Variants in HELZ2 observed in about 807,000 individuals in gnomAD.
HELZ2 encodes the protein 3'-5' exoribonuclease HELZ2.
HELZ2 carries 143 observed loss-of-function variants against 208.8 expected under a neutral mutation model. That is an observed-to-expected ratio of 0.68 (90% CI 0.60 to 0.79). The LOEUF (loss-of-function observed/expected upper bound fraction) is 0.79. Among genes scored for constraint, HELZ2 ranks in the 30% least tolerant of loss-of-function variants. The pLI is 0.00. For synonymous variants in HELZ2, 1,705 were observed against 1,693.7 expected (o/e 1.01, Z -0.16); for missense variants, 3,690 against 3,794.5 (o/e 0.97, Z 0.72).
At chr20:63,564,795 A>C (rs751474550) in exon 8 of HELZ2, 1 of 1,610,114 alleles carries the variant, frequency 6.2e-7, no homozygotes, top group South Asian at 1.1e-5. Flanking sequence ...TCCACAGTGA[A>C]GGTCAAGAAG....
At chr20:63,571,159 C>T (rs74179811) in intron 1 of HELZ2, 30,898 of 294,478 alleles carry the variant, frequency 0.1, 4,424 homozygotes, top group East Asian at 0.48. Flanking sequence ...GCTCCTGCCC[C>T]GCTCCAAGCT....
chr20:63,562,734 C>T (rs372403924), exon 8 of HELZ2: 97 of 1,602,562 alleles, frequency 6.1e-5, no homozygotes, highest in South Asian at 4.8e-4. Flanking sequence ...AGGCCAGGGC[C>T]GAGGCTGCTG....
At position 63,559,308 on chromosome 20, in the gene HELZ2, G is replaced by A. The variant is rs745635089; in HGVS notation, c.7888C>T (p.Gln2630Ter). Residue 2630 changes from glutamine (Q) to a stop codon, truncating the protein, a stop_gained, in exon 19 of 19, where the codon CAG (glutamine) becomes TAG (stop). Transcript: ENST00000467148. LOFTEE classifies it high-confidence loss of function. ...TGGCCGGCAGGCACGAGGGTCTGCT[G>A]AGCCTCGCAGAAGTCCAGGAGGCTA... 1 of 1,600,462 alleles carries A rather than the reference G, an allele frequency of 6.2e-7. No homozygotes were observed. Among genetic ancestry groups the A allele is most frequent in the Non-Finnish European group, 8.5e-7 (1 of 1,174,106 alleles).
In HELZ2 at chr20:63,565,958, A is replaced by G. The variant is rs1377521319; in HGVS notation, c.2864T>C (p.Val955Ala). The change falls in exon 8 of 19, where the codon GTG (valine) becomes GCG (alanine). Residue 955 changes from valine to alanine, a missense_variant. Val to Ala is a moderately conservative substitution (Grantham distance 64). Transcript: ENST00000467148. ...GGGAGGCCAGCGCCGTCTCTGCGCC[A>G]CACCCTGCTCGACCTGCTCCATGGA... The G allele has an allele frequency of 2.5e-6, 4 of 1,598,814 alleles. No homozygotes were observed. In the East Asian group the frequency reaches 6.7e-5, roughly 27 times the overall value.
At chr20:63,568,070 A>T in intron 5 of HELZ2, 1 of 549,300 alleles carries the variant, frequency 1.8e-6, no homozygotes, top group Non-Finnish European at 3.2e-6. Flanking sequence ...ATAAAAACGA[A>T]AAACAAGACT....
At chr20:63,563,984 T>C (rs1267962304) in exon 8 of HELZ2, 2 of 1,602,366 alleles carry the variant, frequency 1.2e-6, no homozygotes, top group Non-Finnish European at 1.7e-6. Context: ...TTCGTAGTCC[T>C]GGGTGCGGGC....
chr20:63,560,876 C>G (rs1200597919), exon 15 of HELZ2: 3 of 1,613,150 alleles, frequency 1.9e-6, no homozygotes, highest in Non-Finnish European at 2.5e-6. Context: ...GGTTTTGCAG[C>G]CGCTCATTCT....
Position 63,565,821 on chromosome 20 carries a change from C to T in HELZ2, c.3001G>A (p.Gly1001Arg), listed in dbSNP as rs764518773. ...GATGCTGGGCTCAGAGCCTCATCTCCCGGCTCTGCCTTCACCATGGCCGTC... is the reference window on the plus strand; with the variant it reads ...GATGCTGGGCTCAGAGCCTCATCTCTCGGCTCTGCCTTCACCATGGCCGTC... The change falls in exon 8 of 19, where the codon GGA becomes AGA. Residue 1001 changes from glycine (G) to arginine (R), a missense_variant. Physicochemically the swap from Gly to Arg is moderately radical, Grantham distance 125. Coordinates refer to ENST00000467148, the Ensembl canonical transcript of HELZ2. 27 of 1,599,108 alleles carry T rather than the reference C, an allele frequency of 1.7e-5. No individual in the cohort carries two copies. Among genetic ancestry groups the T allele is most frequent in the Non-Finnish European group, 2.3e-5 (27 of 1,179,672 alleles).
In HELZ2 at chr20:63,565,317, C is replaced by G. The variant is rs561038248; in HGVS notation, c.3505G>C (p.Gly1169Arg). ...AGGAGCTGCACCAGCACCTCATCCC[C>G]GGCGAAGGCCATCCCACAGTCCAGG... is the stretch of plus-strand genomic sequence containing the variant. Residue 1169 changes from glycine to arginine, a missense_variant, in exon 8 of 19, where the codon GGG becomes CGG. Gly to Arg is a moderately radical substitution (Grantham distance 125). Around this residue, in one of 3 missense-constraint regions of HELZ2, gnomAD observed 2,564 missense variants for 2,580.5 expected, o/e 0.99. Transcript: ENST00000467148. The G allele has an allele frequency of 2.1e-5, 34 of 1,606,146 alleles. 2 individuals carry two copies. In the South Asian group the frequency reaches 3.0e-4, roughly 14 times the overall value.
chr20:63,565,633 C>A (rs371443983), exon 8 of HELZ2: 2 of 1,610,752 alleles, frequency 1.2e-6, no homozygotes, highest in Non-Finnish European at 1.7e-6. Flanking sequence ...CCCCGTCCCA[C>A]GGCCAGAAGT....
Position 63,568,764 on chromosome 20 carries a change from C to T in HELZ2, c.1324G>A (p.Glu442Lys), listed in dbSNP as rs1010842681. ...GGAAGCAGCAGCCACAGCGCCTGCT[C>T]TGAGCTGGCCCGCCTCTCCAGCCGC... Residue 442 changes from glutamate to lysine, a missense_variant, in exon 5 of 19, where the codon GAG (glutamate) becomes AAG (lysine). Physicochemically the swap from Glu to Lys is moderately conservative, Grantham distance 56 (BLOSUM62 1). Coordinates refer to ENST00000467148, the Ensembl canonical transcript of HELZ2. 1.4e-5 allele frequency: 22 copies of T among 1,605,422 alleles called. No homozygotes were observed. The highest frequency in any genetic ancestry group is 1.6e-5 in the Non-Finnish European group (19 of 1,178,144).
intron 2 of HELZ2, 36 bp downstream of exon 3, chr20:63,570,649 C>A: frequency 8.2e-7 from 1 of 1,212,502 alleles, no homozygotes; most frequent in South Asian, 1.2e-5. Flanking sequence ...AGGCCTGGAC[C>A]CCACCCCACC....
chr20:63,570,592 C>G, exon 3 of HELZ2: 9 of 1,610,666 alleles, frequency 5.6e-6, no homozygotes, highest in Non-Finnish European at 7.6e-6. Flanking sequence ...GACACGCACT[C>G]CATCAAGGGT....
chr20:63,570,729 G>A (rs1363917028), exon 2 of HELZ2: 19 of 1,364,336 alleles, frequency 1.4e-5, no homozygotes, highest in East Asian at 4.5e-5. Context: ...GCCAGCAGCC[G>A]CTCCTGGTAG....
At chr20:63,568,876 G>T in exon 5 of HELZ2, 4 of 1,612,136 alleles carry the variant, frequency 2.5e-6, no homozygotes, top group Non-Finnish European at 2.5e-6. Context: ...CCTGGTCTGT[G>T]TCTGGCATCA....
chr20:63,567,485 C>T (rs777851458), exon 6 of HELZ2: 8 of 1,556,040 alleles, frequency 5.1e-6, no homozygotes, highest in Middle Eastern at 1.7e-4. Flanking sequence ...TGGCGGTCGT[C>T]GGTCAGGCAA....
At chr20:63,569,360 C>T (rs1476080046) in exon 4 of HELZ2, 2 of 1,607,310 alleles carry the variant, frequency 1.2e-6, no homozygotes, top group East Asian at 2.2e-5. Flanking sequence ...TGTGCCAGCG[C>T]TCCATCTCCT....
exon 4 of HELZ2, chr20:63,569,359 G>A (rs780240947): frequency 5.0e-6 from 8 of 1,606,744 alleles, no homozygotes; most frequent in African/African-American, 2.7e-5. Flanking sequence ...GTGTGCCAGC[G>A]CTCCATCTCC....
rs780417176 is a variant in HELZ2 at position 63,570,883 on chromosome 20, G to C, written c.279-15C>G. On this transcript the variant is annotated splice_polypyrimidine_tract_variant and intron_variant, in intron 1 of 18. Coordinates refer to ENST00000467148, the Ensembl canonical transcript of HELZ2. Reference sequence around the variant, plus strand: ...AGAGGTCAGGCCTGGGGGACAGGGAGGTCAGCAGGGCTACACAGAGGCACA... The same window carrying C: ...AGAGGTCAGGCCTGGGGGACAGGGACGTCAGCAGGGCTACACAGAGGCACA... 1 of 1,571,550 alleles carries C rather than the reference G, an allele frequency of 6.4e-7. No homozygotes were observed. Among genetic ancestry groups the C allele is most frequent in the South Asian group, 1.1e-5 (1 of 86,998 alleles).
Sources: allele counts gnomAD v4.1 joint callset, GRCh38; gene constraint gnomAD v4.1.1; regional missense constraint gnomAD v4.1.1; transcripts MANE v1.5; gene names NCBI Gene and HGNC (gene_info 2026-07-23, HGNC 2026-07-21).